Variants in TTLL7 observed in about 807,000 individuals in gnomAD.
TTLL7 encodes the protein tubulin polyglutamylase TTLL7.
TTLL7 carries 53 observed loss-of-function variants against 120.2 expected under a neutral mutation model. The ratio of observed to expected loss-of-function variants is 0.44; its 90% CI spans 0.35 to 0.55. The LOEUF (loss-of-function observed/expected upper bound fraction) is 0.55, where lower values mean the gene tolerates loss of function less well. Among genes scored for constraint, TTLL7 ranks in the 20% least tolerant of loss-of-function variants. The pLI is 0.00. For missense variants in TTLL7, 803 were observed against 1,054.7 expected, an observed-to-expected ratio of 0.76 and a Z score of 3.31; for synonymous variants, 353 against 351.7, an observed-to-expected ratio of 1.00 and a Z score of -0.04.
rs766771933 is a variant in TTLL7 at position 83,937,889 on chromosome 1, T to G, written c.851A>C (p.Asn284Thr). ...IKWFTEFLQA[N>T]QHDVAKFWSD... is the part of the protein sequence containing the mutation. Reference sequence around the variant, plus strand: ...CCAAAACTTAGCAACATCATGTTGATTTGCTTGAAGGAATTCTGTAAACCA... The same window carrying G: ...CCAAAACTTAGCAACATCATGTTGAGTTGCTTGAAGGAATTCTGTAAACCA... The change falls in exon 8 of 21, where the codon AAT (asparagine) becomes ACT (threonine). Residue 284 changes from asparagine to threonine, a missense_variant. Asn to Thr is a moderately conservative substitution (Grantham distance 65). Around this residue, in one of 3 missense-constraint regions of TTLL7, gnomAD observed 324 missense variants for 507.7 expected, o/e 0.64. Coordinates refer to ENST00000260505, the MANE Select transcript of TTLL7 (RefSeq NM_024686.6). 3.1e-6 allele frequency: 5 copies of G among 1,614,058 alleles called. No homozygotes were observed. The highest frequency in any genetic ancestry group is 4.2e-6 in the Non-Finnish European group (5 of 1,179,952).
intron 1 of TTLL7, among the ~76,000 whole-genome samples, chr1:83,990,451 A>C (rs1199575642): frequency 1.3e-5 from 2 of 152,212 alleles, no homozygotes; most frequent in African/African-American, 4.8e-5. Context: ...CTGGGATTAC[A>C]GGCGTGAGCC....
intron 10 of TTLL7, among the ~76,000 whole-genome samples, chr1:83,928,908 T>TA (rs2100813126): frequency 7.2e-6 from 1 of 138,102 alleles, no homozygotes; most frequent in South Asian, 2.2e-4. Context: ...GGGGGACAGA[T>TA]TTTTTTTTTT....
intron 1 of TTLL7, among the ~76,000 whole-genome samples, chr1:83,952,695 T>A (rs1649168734): frequency 6.6e-6 from 1 of 152,224 alleles, no homozygotes; most frequent in Non-Finnish European, 1.5e-5. Context: ...ACACTTATTA[T>A]CTTAGGCATT....
chr1:83,965,438 A>AG (rs1398848332), intron 1 of TTLL7, among the ~76,000 whole-genome samples: 70 of 152,148 alleles, frequency 4.6e-4, no homozygotes, highest in African/African-American at 1.5e-3. Context: ...CATGATTGCA[A>AG]GTTTCCCGAG....
chr1:83,921,052 T>C, intron 12 of TTLL7, 35 bp downstream of exon 12: 1 of 1,574,254 alleles, frequency 6.4e-7, no homozygotes, highest in Non-Finnish European at 8.6e-7. Flanking sequence ...GATACTTCAT[T>C]TTTTCAATCT....
chr1:83,884,901 G>A (rs574210652), intron 19 of TTLL7, among the ~76,000 whole-genome samples: 2 of 151,656 alleles, frequency 1.3e-5, no homozygotes, highest in Non-Finnish European at 2.9e-5. Flanking sequence ...AAATACTGGG[G>A]TTTTTTAATT....
chr1:83,892,481 A>AATGAACATATAT lies in TTLL7; in HGVS notation c.2209-2012_2209-2001dup, dbSNP rs1259189719. On this transcript the variant is annotated intron_variant, in intron 18 of 20. Coordinates refer to ENST00000260505, the MANE Select transcript of TTLL7 (RefSeq NM_024686.6). ...ATATGAACATATATATGAACATATG[A>AATGAACATATAT]ATGAACATATATATGAACATATGAA... 6.3e-3 allele frequency among the ~76,000 whole-genome samples: 527 copies of AATGAACATATAT among 83,274 alleles called. 47 individuals carry two copies. The highest frequency in any genetic ancestry group is 8.3e-3 in the Non-Finnish European group (296 of 35,806). 54.6% of individuals were successfully genotyped at this position (83,274 alleles called of 152,430 possible). A position where few individuals can be genotyped will look rare whatever the true frequency, so the allele number is the denominator to read the frequency against.
chr1:83,907,190 A>C (rs566966286), intron 16 of TTLL7, among the ~76,000 whole-genome samples: 21 of 152,222 alleles, frequency 1.4e-4, no homozygotes, highest in East Asian at 9.7e-4. Flanking sequence ...ATTTTCAGTA[A>C]TATTATCCTA....
intron 1 of TTLL7, among the ~76,000 whole-genome samples, chr1:83,962,376 C>T (rs1400332659): frequency 6.6e-6 from 1 of 152,020 alleles, no homozygotes; most frequent in East Asian, 1.9e-4. Flanking sequence ...CAATGCACAC[C>T]TTATTGCCCT....
intron 15 of TTLL7, among the ~76,000 whole-genome samples, chr1:83,908,327 G>GAA (rs67307279): frequency 1.7e-4 from 25 of 151,222 alleles, no homozygotes; most frequent in Middle Eastern, 3.2e-3. Flanking sequence ...GAAGCCATGA[G>GAA]AAAAAAAACA....
At chr1:83,919,961 T>C in intron 12 of TTLL7, 127 bp from the exon 13 acceptor site, 1 of 760,434 alleles carries the variant, frequency 1.3e-6, no homozygotes, top group Non-Finnish European at 2.0e-6. Context: ...TATAAGCATT[T>C]CTATACTGAT....
chr1:83,932,136 A>C (rs924185860), intron 9 of TTLL7, among the ~76,000 whole-genome samples: 51 of 152,298 alleles, frequency 3.3e-4, no homozygotes, highest in African/African-American at 1.2e-3. Context: ...TGATTTAGCA[A>C]GCTAATGGAA....
chr1:83,896,384 CACAG>C (rs1380345558), intron 18 of TTLL7, among the ~76,000 whole-genome samples: 3 of 152,016 alleles, frequency 2.0e-5, no homozygotes, highest in Non-Finnish European at 2.9e-5. Flanking sequence ...GCATAAAGCA[CACAG>C]ACAAATTCAT....
chr1:83,929,377 C>T (rs1365908583), intron 9 of TTLL7, 147 bp from the exon 10 acceptor site: 3 of 579,554 alleles, frequency 5.2e-6, no homozygotes, highest in Non-Finnish European at 9.0e-6. Flanking sequence ...GTTATTGCCA[C>T]ATCTCCATTC....
At chr1:83,921,960 T>C (rs1213346610) in intron 10 of TTLL7, among the ~76,000 whole-genome samples, 1 of 152,156 alleles carries the variant, frequency 6.6e-6, no homozygotes, top group Non-Finnish European at 1.5e-5. Flanking sequence ...TACTCAATTA[T>C]GAAAATTTAC....
intron 1 of TTLL7, among the ~76,000 whole-genome samples, chr1:83,975,172 T>C (rs940839080): frequency 4.6e-5 from 7 of 152,106 alleles, no homozygotes; most frequent in African/African-American, 1.7e-4. Flanking sequence ...TTACATACAT[T>C]GCACTATAGG....
intron 20 of TTLL7, 121 bp from the exon 21 acceptor site, chr1:83,870,203 A>G (rs1043703639): frequency 8.8e-6 from 8 of 912,300 alleles, no homozygotes; most frequent in Non-Finnish European, 1.1e-5. Flanking sequence ...CAAAAATGCA[A>G]TTCATATAAA....
chr1:83,875,525 A>C (rs1415577448), intron 20 of TTLL7, among the ~76,000 whole-genome samples: 2 of 151,924 alleles, frequency 1.3e-5, no homozygotes, highest in Non-Finnish European at 2.9e-5. Context: ...ACATGTGCAC[A>C]CATCTCTGCT....
chr1:83,919,539 G>A (rs1168212454), intron 13 of TTLL7, among the ~76,000 whole-genome samples, 160 bp downstream of exon 13: 1 of 152,032 alleles, frequency 6.6e-6, no homozygotes, highest in African/African-American at 2.4e-5. Context: ...GAAGTAAGTT[G>A]GTTCATCATG....
Sources: gnomAD v4.1 joint callset for allele counts (sites outside exome capture counted in the v4.1 genomes callset) on GRCh38, gnomAD v4.1.1 for gene constraint, gnomAD v4.1.1 regional missense constraint, MANE v1.5 for transcripts, NCBI Gene and HGNC (gene_info 2026-07-23, HGNC 2026-07-21) for gene names.